The following AEBP2 variants were observed in gnomAD, a reference collection of about 807,000 sequenced individuals.
AEBP2 encodes the protein zinc finger protein AEBP2.
AEBP2 carries 10 observed loss-of-function variants against 50.8 expected under a neutral mutation model. The observed-to-expected ratio is 0.20, with a 90% confidence interval of 0.12 to 0.33. The LOEUF is 0.33. Among genes scored for constraint, AEBP2 ranks in the 10% least tolerant of loss-of-function variants. The pLI is 1.00. For synonymous variants in AEBP2, 296 were observed against 261.3 expected (o/e 1.13, Z -1.28); for missense variants, 570 against 688.0 (o/e 0.83, Z 1.92).
intron 4 of AEBP2, among the ~76,000 whole-genome samples, chr12:19,497,788 A>G (rs1949009880): frequency 6.6e-6 from 1 of 152,188 alleles, no homozygotes; most frequent in African/African-American, 2.4e-5. Flanking sequence ...AAGGTTTTTG[A>G]TTATATATCT....
rs889433439 is a variant in AEBP2 at position 19,521,467 on chromosome 12, G to A, written c.*3350G>A. 2 of 152,080 alleles carry A rather than the reference G, an allele frequency of 1.3e-5. No homozygotes were observed. The highest frequency in any genetic ancestry group is 4.8e-5 in the African/African-American group (2 of 41,422). The allele number at this position is 152,080 out of a possible 1,614,324, so 9.4% of individuals were successfully genotyped here. Reference sequence around the variant, plus strand: ...CATCAGATTGTGTTTGAACCGTAAGGCACATCTGCTTTATCTAAAAGAATC... The same window carrying A: ...CATCAGATTGTGTTTGAACCGTAAGACACATCTGCTTTATCTAAAAGAATC... On this transcript the variant is annotated 3_prime_UTR_variant, in exon 8 of 8. Transcript: ENST00000266508.
chr12:19,435,161 A>T (rs1265788716), upstream of AEBP2, among the ~76,000 whole-genome samples: 3 of 149,484 alleles, frequency 2.0e-5, no homozygotes, highest in Non-Finnish European at 3.0e-5. Context: ...ACAAAGTCTC[A>T]CTCTGTCACC....
chr12:19,455,832 G>A (rs1205393114), intron 1 of AEBP2, among the ~76,000 whole-genome samples: 1 of 152,098 alleles, frequency 6.6e-6, no homozygotes, highest in Non-Finnish European at 1.5e-5. Flanking sequence ...CTAACAACGT[G>A]TGTGTAGGTG....
At position 19,439,633 on chromosome 12, in the gene AEBP2, G is replaced by A; in HGVS notation, c.-67G>A. ...TTTTGGGCGTTTGGGAGGGGGGCGA[G>A]GGAGAGAGAGTCGAGAGAGGGAGGC... On this transcript the variant is annotated 5_prime_UTR_variant, in exon 1 of 8. Transcript: ENST00000266508. 1.3e-6 allele frequency: 2 copies of A among 1,491,006 alleles called. No individual in the cohort carries two copies. Among genetic ancestry groups the A allele is most frequent in the Non-Finnish European group, 1.8e-6 (2 of 1,124,036 alleles). 92.4% of individuals were successfully genotyped at this position (1,491,006 alleles called of 1,614,324 possible).
intron 5 of AEBP2, chr12:19,509,127 G>C (rs554717875): frequency 1.9e-6 from 1 of 522,156 alleles, no homozygotes; most frequent in Non-Finnish European, 3.6e-6. Flanking sequence ...GAACATGTCA[G>C]CAGGGCCTGT....
At chr12:19,426,649 A>G (rs1592708235) in intron 1 of AEBP2, among the ~76,000 whole-genome samples, 2 of 152,272 alleles carry the variant, frequency 1.3e-5, no homozygotes, top group African/African-American at 4.8e-5. Context: ...CACTCCTGTA[A>G]TCCCAGCACT....
intron 3 of AEBP2, among the ~76,000 whole-genome samples, chr12:19,484,616 G>C (rs1238405235): frequency 3.3e-5 from 5 of 152,026 alleles, no homozygotes; most frequent in African/African-American, 7.2e-5. Flanking sequence ...CTCGTGATCC[G>C]CCCGCCTTGG....
intron 1 of AEBP2, among the ~76,000 whole-genome samples, chr12:19,418,519 C>G (rs1480812940): frequency 6.6e-6 from 1 of 151,574 alleles, no homozygotes; most frequent in Admixed American, 6.6e-5. Flanking sequence ...GCGTGAGCCA[C>G]CATACTTGGC....
chr12:19,462,487 C>G, intron 1 of AEBP2, 23 bp from the exon 2 acceptor site: 1 of 1,568,670 alleles, frequency 6.4e-7, no homozygotes, highest in South Asian at 1.2e-5. Context: ...AGGAATAACA[C>G]AGCCTTTTTT....
At position 19,473,207 on chromosome 12, in the gene AEBP2, A is replaced by G. The variant is rs1174327537; in HGVS notation, c.880-41A>G. ...TATGAGGAATCAAACTCTTCTTGAG[A>G]TAAGTCATGAAAATTAATATGGTTC... On this transcript the variant is annotated intron_variant, in intron 2 of 7. Coordinates refer to ENST00000266508, the MANE Select transcript of AEBP2 (RefSeq NM_153207.5). The G allele has an allele frequency of 6.1e-6, 6 of 989,520 alleles. No individual in the cohort carries two copies. In the South Asian group the frequency reaches 9.5e-5, roughly 16 times the overall value. The allele number at this position is 989,520 out of a possible 1,614,324, so 61.3% of individuals were successfully genotyped here. A position where few individuals can be genotyped will look rare whatever the true frequency, so the allele number is the denominator to read the frequency against.
chr12:19,423,907 T>A (rs2095747168), intron 1 of AEBP2, among the ~76,000 whole-genome samples: 1 of 152,188 alleles, frequency 6.6e-6, no homozygotes, highest in African/African-American at 2.4e-5. Context: ...CCTCCTCATG[T>A]TATGTGAGAC....
At chr12:19,449,683 C>G (rs1385217813) in intron 1 of AEBP2, among the ~76,000 whole-genome samples, 2 of 152,036 alleles carry the variant, frequency 1.3e-5, no homozygotes, top group Non-Finnish European at 2.9e-5. Flanking sequence ...TTCATTTTAG[C>G]TTTTTAAATT....
At chr12:19,498,602 T>C (rs1295367372) in intron 4 of AEBP2, among the ~76,000 whole-genome samples, 1 of 152,158 alleles carries the variant, frequency 6.6e-6, no homozygotes, top group South Asian at 2.1e-4. Context: ...TCAAGCCAAC[T>C]CTTTTATTAG....
At chr12:19,470,763 T>A (rs1316061731) in intron 2 of AEBP2, among the ~76,000 whole-genome samples, 3 of 152,172 alleles carry the variant, frequency 2.0e-5, no homozygotes. Context: ...TTGAGTGTTG[T>A]TAGGTAGAGG....
chr12:19,467,888 G>A (rs1300406807), intron 2 of AEBP2, among the ~76,000 whole-genome samples: 4 of 151,882 alleles, frequency 2.6e-5, no homozygotes, highest in African/African-American at 9.7e-5. Context: ...TTGTTGAGAG[G>A]CAAAGCGAGG....
At chr12:19,407,246 T>G (rs1049222801) in intron 1 of AEBP2, among the ~76,000 whole-genome samples, 1 of 152,164 alleles carries the variant, frequency 6.6e-6, no homozygotes. Flanking sequence ...AAGGTTGCAG[T>G]AAGCTATTGG....
At chr12:19,440,454 C>G (rs1947932938) in intron 1 of AEBP2, 84 bp downstream of exon 1, 14 of 1,419,234 alleles carry the variant, frequency 9.9e-6, no homozygotes, top group Non-Finnish European at 1.3e-5. Flanking sequence ...GACGTTTTGC[C>G]GCGATCCCCC....
At chr12:19,510,518 C>T (rs1466657274) in intron 5 of AEBP2, among the ~76,000 whole-genome samples, 1 of 152,066 alleles carries the variant, frequency 6.6e-6, no homozygotes, top group Non-Finnish European at 1.5e-5. Context: ...CCTATAGTTG[C>T]CTAGGTTAAT....
At chr12:19,465,516 A>T (rs1158972167) in intron 2 of AEBP2, among the ~76,000 whole-genome samples, 2 of 152,194 alleles carry the variant, frequency 1.3e-5, no homozygotes, top group African/African-American at 4.8e-5. Flanking sequence ...TAGGAAATGC[A>T]TCCCAGTTTT....
Sources: gnomAD v4.1 joint callset for allele counts (sites outside exome capture counted in the v4.1 genomes callset) on GRCh38, gnomAD v4.1.1 for gene constraint, MANE v1.5 for transcripts, NCBI Gene and HGNC (gene_info 2026-07-23, HGNC 2026-07-21) for gene names.